The following AGBL4 variants were observed in gnomAD, a reference collection of about 807,000 sequenced individuals.
AGBL4 encodes AGBL carboxypeptidase 4.
AGBL4 carries 58 observed loss-of-function variants against 66.4 expected under a neutral mutation model. The observed-to-expected ratio is 0.87, with a 90% CI of 0.71 to 1.09. The LOEUF (loss-of-function observed/expected upper bound fraction) is 1.09, where lower values mean the gene tolerates loss of function less well. AGBL4 is among the 50% of genes least tolerant of loss of function. The pLI is 0.00. For missense variants in AGBL4, 579 were observed against 631.0 expected, an observed-to-expected ratio of 0.92 and a Z score of 0.88; for synonymous variants, 234 against 222.9, an observed-to-expected ratio of 1.05 and a Z score of -0.44.
chr1:49,331,006 G>C (rs1020907886), intron 3 of AGBL4, among the ~76,000 whole-genome samples: 1 of 152,110 alleles, frequency 6.6e-6, no homozygotes, highest in African/African-American at 2.4e-5. Flanking sequence ...AGCAGTGAGT[G>C]AATGTGTGAC....
At chr1:49,746,689 A>G (rs1651012770) in intron 2 of AGBL4, among the ~76,000 whole-genome samples, 1 of 152,076 alleles carries the variant, frequency 6.6e-6, no homozygotes, top group African/African-American at 2.4e-5. Context: ...TAGGTAAGCC[A>G]ATGGCTAATA....
chr1:49,802,527 C>T (rs1315142044), intron 2 of AGBL4, among the ~76,000 whole-genome samples: 1 of 152,178 alleles, frequency 6.6e-6, no homozygotes, highest in Non-Finnish European at 1.5e-5. Context: ...TACTGATGCA[C>T]ACACTGTATT....
chr1:49,050,594 CTCCTTGCCTTTTTAAATGCTAT>C (rs143249756), intron 4 of AGBL4, among the ~76,000 whole-genome samples: 9,086 of 151,448 alleles, frequency 0.06, 819 homozygotes, highest in African/African-American at 0.2. Flanking sequence ...TCTCAAAAAC[CTCCTTGCCTTTTTAAATGCTAT>C]TCCTTGCCTT....
At chr1:49,058,737 C>A (rs1245224000) in intron 4 of AGBL4, among the ~76,000 whole-genome samples, 1 of 152,234 alleles carries the variant, frequency 6.6e-6, no homozygotes, top group East Asian at 1.9e-4. Flanking sequence ...ATGGCTTTGG[C>A]CAAAATGCCA....
chr1:49,480,553 C>T (rs1033232459), intron 3 of AGBL4, among the ~76,000 whole-genome samples: 10 of 151,430 alleles, frequency 6.6e-5, no homozygotes, highest in Admixed American at 2.0e-4. Context: ...CTGTCAAATG[C>T]ATAGTTTGCA....
At chr1:49,906,845 A>G (rs1023426284) in intron 1 of AGBL4, among the ~76,000 whole-genome samples, 1 of 152,108 alleles carries the variant, frequency 6.6e-6, no homozygotes, top group Non-Finnish European at 1.5e-5. Context: ...AATAGCAAAA[A>G]GAGCCTGCCA....
chr1:48,927,708 T>C (rs114354395), intron 5 of AGBL4, among the ~76,000 whole-genome samples: 1,556 of 152,288 alleles, frequency 0.01, 28 homozygotes, highest in African/African-American at 0.032. Flanking sequence ...TGTCAAGCAC[T>C]GTGTTGGGTA....
intron 3 of AGBL4, among the ~76,000 whole-genome samples, chr1:49,689,433 G>T (rs1159665149): frequency 1.3e-5 from 2 of 152,106 alleles, no homozygotes; most frequent in Admixed American, 6.5e-5. Context: ...TGGTCTATGT[G>T]TCTGCTTTTA....
rs541119922 is a variant in AGBL4, at chr1:49,592,414, T to C, written c.282+104899A>G. Reference sequence around the variant, plus strand: ...GGCGAAATCCCATCTCTACTGAAAATACAAAATTAGCTGGGTGTGGTGGCA... The same window carrying C: ...GGCGAAATCCCATCTCTACTGAAAACACAAAATTAGCTGGGTGTGGTGGCA... On this transcript the variant is annotated intron_variant, in intron 3 of 13. Coordinates refer to ENST00000371839, the MANE Select transcript of AGBL4 (RefSeq NM_032785.4). Among the ~76,000 whole-genome samples the C allele has an allele frequency of 5.3e-4, 81 of 151,926 alleles. 1 individual carries two copies. The highest frequency in any genetic ancestry group is 1.0e-3 in the Non-Finnish European group (70 of 67,946).
At chr1:48,825,966 G>T (rs915484396) in intron 6 of AGBL4, among the ~76,000 whole-genome samples, 4 of 152,116 alleles carry the variant, frequency 2.6e-5, no homozygotes, top group African/African-American at 9.7e-5. Flanking sequence ...CCGTGGCTTT[G>T]CCCTCTGCTT....
intron 3 of AGBL4, among the ~76,000 whole-genome samples, chr1:49,485,120 G>C (rs1647037354): frequency 6.6e-6 from 1 of 151,830 alleles, no homozygotes; most frequent in Non-Finnish European, 1.5e-5. Flanking sequence ...TATACCCAAA[G>C]GATTATAAAT....
chr1:49,520,107 C>T (rs974556092), intron 3 of AGBL4, among the ~76,000 whole-genome samples: 1 of 151,996 alleles, frequency 6.6e-6, no homozygotes, highest in African/African-American at 2.4e-5. Context: ...AGACAAGTGA[C>T]CTGATAATCT....
chr1:48,778,411 C>T (rs180720673), intron 6 of AGBL4, among the ~76,000 whole-genome samples: 23 of 152,272 alleles, frequency 1.5e-4, no homozygotes, highest in Admixed American at 7.2e-4. Flanking sequence ...TCCTCACAAC[C>T]TTTACAATCT....
In AGBL4 at chr1:49,917,454, C is replaced by T. The variant is rs375090241; in HGVS notation, c.35-65936G>A. ...CAATCCTACTGTCCGATAAAACAGA[C>T]TTTAAACCAACAAAGATCAAAAGAG... On this transcript the variant is annotated intron_variant, in intron 1 of 13. Coordinates refer to ENST00000371839, the MANE Select transcript of AGBL4 (RefSeq NM_032785.4). 3.2e-4 allele frequency among the ~76,000 whole-genome samples: 48 copies of T among 152,136 alleles called. 1 individual carries two copies. In the South Asian group the frequency reaches 9.2e-3, roughly 29 times the overall value.
chr1:48,880,649 T>A (rs1649689230), intron 5 of AGBL4, among the ~76,000 whole-genome samples: 1 of 152,150 alleles, frequency 6.6e-6, no homozygotes, highest in Admixed American at 6.5e-5. Flanking sequence ...ATTTTCTGAT[T>A]ATGGCCATTC....
intron 3 of AGBL4, among the ~76,000 whole-genome samples, chr1:49,592,262 T>C (rs1445645244): frequency 2.6e-5 from 4 of 151,890 alleles, no homozygotes; most frequent in Admixed American, 2.0e-4. Flanking sequence ...AACAACTCTA[T>C]TAAAAAATAG....
chr1:49,694,833 G>A (rs1646954566), intron 3 of AGBL4, among the ~76,000 whole-genome samples: 1 of 152,066 alleles, frequency 6.6e-6, no homozygotes, highest in Non-Finnish European at 1.5e-5. Context: ...ATCTCAAGTA[G>A]TTTAACTGAA....
chr1:49,012,571 C>A (rs1662524491), intron 5 of AGBL4, among the ~76,000 whole-genome samples: 1 of 152,134 alleles, frequency 6.6e-6, no homozygotes, highest in Non-Finnish European at 1.5e-5. Flanking sequence ...AGGCCTATTC[C>A]CAGAGAAGAG....
intron 1 of AGBL4, among the ~76,000 whole-genome samples, chr1:50,002,747 A>G (rs867849111): frequency 2.0e-5 from 3 of 152,312 alleles, no homozygotes; most frequent in Middle Eastern, 3.4e-3. Context: ...AAGAGACAGA[A>G]AAGACTACCA....
Sources: gnomAD v4.1 joint callset for allele counts (sites outside exome capture counted in the v4.1 genomes callset) on GRCh38, gnomAD v4.1.1 for gene constraint, MANE v1.5 for transcripts, NCBI Gene and HGNC (gene_info 2026-07-23, HGNC 2026-07-21) for gene names.